The following USP12 variants were observed in gnomAD, a reference collection of about 807,000 sequenced individuals.
The protein encoded by USP12 is ubiquitin carboxyl-terminal hydrolase 12.
Under a neutral mutation model 45.5 loss-of-function variants are expected in USP12, and 19 were observed. The observed-to-expected ratio is 0.42, with a 90% confidence interval of 0.29 to 0.61. The LOEUF (loss-of-function observed/expected upper bound fraction) is 0.61. USP12 is among the 20% of genes least tolerant of loss of function. USP12 has a pLI of 0.22. For synonymous variants in USP12, 149 were observed against 148.8 expected (o/e 1.00, Z -0.01); for missense variants, 242 against 447.7 (o/e 0.54, Z 4.15).
intron 6 of USP12, among the ~76,000 whole-genome samples, chr13:27,075,875 C>A (rs948256313): frequency 1.3e-5 from 2 of 151,878 alleles, no homozygotes; most frequent in African/African-American, 4.8e-5. Context: ...ACTAAAAATA[C>A]AAAAAATAGC....
intron 7 of USP12, 107 bp downstream of exon 7, chr13:27,075,084 A>G: frequency 2.9e-6 from 3 of 1,020,636 alleles, no homozygotes; most frequent in Non-Finnish European, 4.1e-6. Flanking sequence ...TTGAGAGAAT[A>G]CAGAATTTCT....
chr13:27,088,416 CAAAAAAAA>C (rs11323861), intron 6 of USP12, among the ~76,000 whole-genome samples: 1 of 93,616 alleles, frequency 1.1e-5, no homozygotes, highest in African/African-American at 4.4e-5. Flanking sequence ...GACTCCGTCT[CAAAAAAAA>C]AAAAAAAAAA....
At chr13:27,080,609 G>A (rs916030205) in intron 6 of USP12, among the ~76,000 whole-genome samples, 9 of 152,178 alleles carry the variant, frequency 5.9e-5, no homozygotes, top group African/African-American at 2.2e-4. Context: ...GAGAAGGCAA[G>A]GAGCTTAGCT....
intron 8 of USP12, among the ~76,000 whole-genome samples, chr13:27,070,832 C>A (rs1873216980): frequency 6.6e-6 from 1 of 152,180 alleles, no homozygotes; most frequent in South Asian, 2.1e-4. Context: ...GGATTACAGG[C>A]GTGAGCCACC....
Position 27,069,373 on chromosome 13 carries a change from T to G in USP12, c.1023A>C (p.Ala341=). The change falls in exon 9 of 9, where the codon GCA becomes GCC. Residue 341 remains alanine (A), a synonymous_variant. Transcript: ENST00000282344. The part of the protein sequence containing the change: ...FDDDIVEKID[A]QAIEEFYGLT... Reference sequence around the variant, plus strand: ...ACCCGTAGAATTCTTCAATAGCTTGTGCATCTATTTTCTGTGAGGTAAAAT... The same window carrying G: ...ACCCGTAGAATTCTTCAATAGCTTGGGCATCTATTTTCTGTGAGGTAAAAT... The G allele has an allele frequency of 1.9e-6, 3 of 1,613,278 alleles. No individual in the cohort carries two copies. Among genetic ancestry groups the G allele is most frequent in the Non-Finnish European group, 2.5e-6 (3 of 1,179,460 alleles).
At chr13:27,106,892 T>G (rs1266403224) in intron 2 of USP12, among the ~76,000 whole-genome samples, 1 of 151,894 alleles carries the variant, frequency 6.6e-6, no homozygotes, top group Non-Finnish European at 1.5e-5. Flanking sequence ...AAAACAAAAA[T>G]AAACAAAACC....
chr13:27,084,760 G>C (rs1474338491), intron 6 of USP12, among the ~76,000 whole-genome samples: 4 of 152,084 alleles, frequency 2.6e-5, no homozygotes, highest in Non-Finnish European at 2.9e-5. Context: ...TATGTCTTTA[G>C]GCCAGTACCA....
At chr13:27,144,396 G>C (rs2137824070) in intron 1 of USP12, among the ~76,000 whole-genome samples, 1 of 151,676 alleles carries the variant, frequency 6.6e-6, no homozygotes, top group Admixed American at 6.6e-5. Context: ...TCAAGAGGCT[G>C]AGGCAGGATG....
chr13:27,141,551 A>C (rs192371639), intron 1 of USP12, among the ~76,000 whole-genome samples: 3 of 152,352 alleles, frequency 2.0e-5, no homozygotes, highest in Admixed American at 2.0e-4. Context: ...TGATAAAAAC[A>C]TGACAAACAA....
rs188437036 is a variant in USP12, at chr13:27,102,424, C to A, written c.343+3307G>T. On this transcript the variant is annotated intron_variant, in intron 3 of 8. Coordinates refer to ENST00000282344, the MANE Select transcript of USP12 (RefSeq NM_182488.4). Reference sequence around the variant, plus strand: ...AAGGGTCTTCTCAAACAAATCAGAACGTATCACCCACCTGCTCAGAACCCT... The same window carrying A: ...AAGGGTCTTCTCAAACAAATCAGAAAGTATCACCCACCTGCTCAGAACCCT... Among the ~76,000 whole-genome samples, 419 of 152,286 alleles carry A rather than the reference C, an allele frequency of 2.8e-3. 2 individuals carry two copies. Among genetic ancestry groups the A allele is most frequent in the African/African-American group, 9.8e-3 (407 of 41,554 alleles).
At chr13:27,097,623 G>A (rs891118811) in intron 3 of USP12, among the ~76,000 whole-genome samples, 6 of 152,156 alleles carry the variant, frequency 3.9e-5, no homozygotes, top group African/African-American at 7.2e-5. Flanking sequence ...AACTGCACGC[G>A]TGGCATAGGC....
chr13:27,159,231 T>C (rs1195301231), intron 1 of USP12, among the ~76,000 whole-genome samples: 2 of 152,216 alleles, frequency 1.3e-5, no homozygotes, highest in Non-Finnish European at 2.9e-5. Flanking sequence ...TAAACCTGAA[T>C]AATTTAATTC....
In USP12 at chr13:27,075,616, GAC is replaced by G. The variant is rs144443306; in HGVS notation, c.735-230_735-229del. ...CCATCATTGTCACACCACATAATTTGACACAGCACTCAATATGGCTCCAAAAC... is the reference window on the plus strand; with the variant it reads ...CCATCATTGTCACACCACATAATTTGACAGCACTCAATATGGCTCCAAAAC... On this transcript the variant is annotated intron_variant, in intron 6 of 8. Transcript: ENST00000282344. Among the ~76,000 whole-genome samples, 1,066 of 152,146 alleles carry G rather than the reference GAC, an allele frequency of 7.0e-3. 15 individuals are homozygous for G. The highest frequency in any genetic ancestry group is 0.024 in the African/African-American group (1,010 of 41,498).
Position 27,090,163 on chromosome 13 carries a change from A to C in USP12, c.574-5T>G. On this transcript the variant is annotated splice_region_variant and splice_polypyrimidine_tract_variant and intron_variant, in intron 4 of 8. Coordinates refer to ENST00000282344, the MANE Select transcript of USP12 (RefSeq NM_182488.4). ...ATCTTCATCTTTGCTGCTTATCTGT[A>C]AAAACAGTGAATTGTCTTTGATTTT... 1 of 1,571,426 alleles carries C rather than the reference A, an allele frequency of 6.4e-7. No homozygotes were observed. The highest frequency in any genetic ancestry group is 1.3e-5 in the African/African-American group (1 of 74,472).
At chr13:27,115,633 T>C (rs1264536090) in intron 2 of USP12, among the ~76,000 whole-genome samples, 1 of 152,234 alleles carries the variant, frequency 6.6e-6, no homozygotes, top group Non-Finnish European at 1.5e-5. Flanking sequence ...AAGTTTGTGA[T>C]ACTCCCCAGT....
intron 1 of USP12, among the ~76,000 whole-genome samples, chr13:27,153,054 G>A (rs915603899): frequency 7.9e-5 from 12 of 151,986 alleles, no homozygotes; most frequent in Admixed American, 2.0e-4. Context: ...TGTCCTGGCC[G>A]GGCATGGTGG....
chr13:27,111,912 C>G (rs1875465426), intron 2 of USP12, among the ~76,000 whole-genome samples: 1 of 151,460 alleles, frequency 6.6e-6, no homozygotes, highest in Non-Finnish European at 1.5e-5. Context: ...GCTATCAAAA[C>G]TGAAAAAGAT....
intron 1 of USP12, among the ~76,000 whole-genome samples, chr13:27,150,609 G>A (rs575546417): frequency 1.3e-5 from 2 of 152,244 alleles, no homozygotes; most frequent in South Asian, 2.1e-4. Flanking sequence ...TATGGAGGTC[G>A]GACCCAGTGG....
intron 3 of USP12, among the ~76,000 whole-genome samples, chr13:27,104,266 AG>A (rs1332874690): frequency 1.3e-5 from 2 of 152,204 alleles, no homozygotes; most frequent in African/African-American, 4.8e-5. Context: ...CTTGGGCTCA[AG>A]CAGTCCACCT....
Sources: allele counts gnomAD v4.1 joint callset (sites outside exome capture counted in the v4.1 genomes callset), GRCh38; gene constraint gnomAD v4.1.1; transcripts MANE v1.5; gene names NCBI Gene and HGNC (gene_info 2026-07-23, HGNC 2026-07-21).